PLCG2: variants seen among roughly 807,000 people sequenced by gnomAD.
PLCG2 encodes the protein phospholipase C gamma 2, also known as 1-phosphatidylinositol 4,5-bisphosphate phosphodiesterase gamma-2.
PLCG2 carries 69 observed loss-of-function variants against 175.6 expected under a neutral mutation model. That is an observed-to-expected ratio of 0.39 (90% CI 0.32 to 0.48). The LOEUF (loss-of-function observed/expected upper bound fraction) is 0.48. PLCG2 is among the 20% of genes least tolerant of loss of function. The probability of loss-of-function intolerance (pLI) is 0.91; values close to 1 mark genes in which losing one functional copy is unlikely to be tolerated. For missense variants in PLCG2, 1,798 were observed against 1,650.9 expected (o/e 1.09, Z -1.54); for synonymous variants, 827 against 624.0 (o/e 1.33, Z -4.85).
intron 31 of PLCG2, among the ~76,000 whole-genome samples, chr16:81,949,798 A>G (rs536931585): frequency 6.6e-6 from 1 of 152,344 alleles, no homozygotes; most frequent in African/African-American, 2.4e-5. Flanking sequence ...GACAATCAAA[A>G]GCTAAAAAAT....
At position 81,866,806 on chromosome 16, in the gene PLCG2, C is replaced by T. The variant is rs115195639; in HGVS notation, c.480-2408C>T. 3.4e-3 allele frequency among the ~76,000 whole-genome samples: 519 copies of T among 152,370 alleles called. 4 individuals carry two copies. Among genetic ancestry groups the T allele is most frequent in the Middle Eastern group, 0.014 (4 of 294 alleles). On this transcript the variant is annotated intron_variant, in intron 5 of 32. Coordinates refer to ENST00000564138, the MANE Select transcript of PLCG2 (RefSeq NM_002661.5). The stretch of plus-strand genomic sequence containing the variant: ...CATGATCTGGCTCCTCTCCCCACGA[C>T]CCCTCTCGCTGCCGCTCTGGTAGCG...
At chr16:81,763,296 C>A (rs1045016708) in intron 2 of PLCG2, among the ~76,000 whole-genome samples, 1 of 152,208 alleles carries the variant, frequency 6.6e-6, no homozygotes, top group African/African-American at 2.4e-5. Context: ...TGCTGCATAA[C>A]AGATGACTCC....
intron 19 of PLCG2, among the ~76,000 whole-genome samples, chr16:81,919,261 G>A (rs982935021): frequency 1.3e-5 from 2 of 152,146 alleles, no homozygotes; most frequent in African/African-American, 2.4e-5. Flanking sequence ...TGAGTCACTC[G>A]GCCATATTTC....
chr16:81,805,856 A>G (rs1911997873), intron 2 of PLCG2, among the ~76,000 whole-genome samples: 1 of 144,218 alleles, frequency 6.9e-6, no homozygotes, highest in Non-Finnish European at 1.5e-5. Flanking sequence ...GGGTGAAGTG[A>G]ATCAAACTCC....
At chr16:81,893,431 TCTC>T (rs150662770) in intron 11 of PLCG2, among the ~76,000 whole-genome samples, 25,091 of 152,096 alleles carry the variant, frequency 0.16, 2,144 homozygotes, top group South Asian at 0.26. Context: ...TTGACCAACT[TCTC>T]CTCAAAAGAA....
intron 31 of PLCG2, among the ~76,000 whole-genome samples, chr16:81,954,711 TACC>T (rs1464671666): frequency 6.6e-6 from 1 of 152,252 alleles, no homozygotes; most frequent in African/African-American, 2.4e-5. Context: ...GGTGTATATG[TACC>T]ACATTTTCTT....
At chr16:81,949,429 C>A (rs1911279801) in intron 31 of PLCG2, among the ~76,000 whole-genome samples, 1 of 152,184 alleles carries the variant, frequency 6.6e-6, no homozygotes. Context: ...TAATATCAGA[C>A]TTGTCCTCTT....
chr16:81,788,613 C>G (rs1015232908), intron 2 of PLCG2, among the ~76,000 whole-genome samples: 1 of 152,206 alleles, frequency 6.6e-6, no homozygotes, highest in Non-Finnish European at 1.5e-5. Flanking sequence ...GAACCCTCAT[C>G]TATGCTGCGT....
At chr16:81,776,690 C>G (rs922142563), upstream of PLCG2, among the ~76,000 whole-genome samples, 1 of 152,146 alleles carries the variant, frequency 6.6e-6, no homozygotes, top group Non-Finnish European at 1.5e-5. Flanking sequence ...GAGTAGCTGA[C>G]ACTACAGGTG....
intron 3 of PLCG2, among the ~76,000 whole-genome samples, chr16:81,857,550 C>G (rs1039529908): frequency 6.6e-6 from 1 of 152,180 alleles, no homozygotes; most frequent in African/African-American, 2.4e-5. Flanking sequence ...GGGCTCTCTT[C>G]CTGACTTGCA....
chr16:81,800,665 CTAT>C (rs59716859), intron 2 of PLCG2, among the ~76,000 whole-genome samples: 26 of 151,158 alleles, frequency 1.7e-4, no homozygotes, highest in South Asian at 4.2e-4. Context: ...GATACTATTG[CTAT>C]TATTATTATT....
chr16:81,926,223 G>A (rs902342178), intron 22 of PLCG2, among the ~76,000 whole-genome samples: 3 of 152,204 alleles, frequency 2.0e-5, no homozygotes, highest in Non-Finnish European at 4.4e-5. Context: ...GGAGTCCTGG[G>A]GTCAGACTGT....
Position 81,959,597 on chromosome 16 carries a change from T to G in PLCG2, c.*1599T>G, listed in dbSNP as rs773516874. The G allele has an allele frequency of 5.1e-6, 1 of 196,716 alleles. No homozygotes were observed. The highest frequency in any genetic ancestry group is 6.1e-5 in the Admixed American group (1 of 16,474). The allele number at this position is 196,716 out of a possible 1,614,324, so 12.2% of individuals were successfully genotyped here. On this transcript the variant is annotated 3_prime_UTR_variant, in exon 33 of 33. Transcript: ENST00000564138. ...CTGTTATCTGGTGCTATCACTCCAG[T>G]TACTCCTCCAACTGGGAGCTGCTAT... is the stretch of plus-strand genomic sequence containing the variant.
chr16:81,938,650 A>G, intron 28 of PLCG2, 151 bp from the exon 29 acceptor site: 1 of 605,916 alleles, frequency 1.7e-6, no homozygotes, highest in South Asian at 2.0e-5. Context: ...CATCCACTGC[A>G]GAAGGTTGCT....
chr16:81,851,084 C>G (rs1906384415), intron 2 of PLCG2, among the ~76,000 whole-genome samples: 1 of 152,162 alleles, frequency 6.6e-6, no homozygotes, highest in Non-Finnish European at 1.5e-5. Flanking sequence ...CTTTCTCTCA[C>G]CTTCATCCCT....
intron 2 of PLCG2, among the ~76,000 whole-genome samples, chr16:81,843,759 A>G (rs1814473189): frequency 6.6e-6 from 1 of 152,230 alleles, no homozygotes; most frequent in African/African-American, 2.4e-5. Context: ...CTAAAGATTC[A>G]TTTAAATTGG....
chr16:81,814,106 G>C (rs754402406), intron 2 of PLCG2, among the ~76,000 whole-genome samples: 3 of 152,144 alleles, frequency 2.0e-5, no homozygotes, highest in African/African-American at 7.2e-5. Flanking sequence ...AGGATAAGGG[G>C]CTGGGAACCC....
intron 2 of PLCG2, among the ~76,000 whole-genome samples, chr16:81,789,190 A>C (rs1409875922): frequency 6.6e-6 from 1 of 152,268 alleles, no homozygotes; most frequent in Non-Finnish European, 1.5e-5. Context: ...TCTGAAGCTC[A>C]TTGTGATGGG....
chr16:81,929,955 G>C (rs1208651809), intron 24 of PLCG2, among the ~76,000 whole-genome samples: 1 of 152,196 alleles, frequency 6.6e-6, no homozygotes, highest in East Asian at 1.9e-4. Flanking sequence ...AAATCTTGGA[G>C]TCAGGTTTGA....
Sources: gnomAD v4.1 joint callset for allele counts (sites outside exome capture counted in the v4.1 genomes callset) on GRCh38, gnomAD v4.1.1 for gene constraint, MANE v1.5 for transcripts, NCBI Gene and HGNC (gene_info 2026-07-23, HGNC 2026-07-21) for gene names.